INTS10: variants seen among roughly 807,000 people sequenced by gnomAD.
INTS10 encodes the protein chromosome 8 open reading frame 35.
A neutral mutation model predicts 94.4 loss-of-function variants in INTS10; 44 were observed. That is an observed-to-expected ratio of 0.47 (90% CI 0.37 to 0.60). INTS10 has a LOEUF of 0.60. Ranked by LOEUF, INTS10 falls within the 20% of genes least tolerant of loss-of-function variation. The probability of loss-of-function intolerance (pLI) is 0.00; values close to 1 mark genes in which losing one functional copy is unlikely to be tolerated. For missense variants in INTS10, 797 were observed against 868.7 expected (o/e 0.92, Z 1.04); for synonymous variants, 341 against 320.7 (o/e 1.06, Z -0.68).
At chr8:19,820,351 T>C (rs1456532027) in intron 3 of INTS10, 28 bp from the exon 4 acceptor site, 2 of 1,590,984 alleles carry the variant, frequency 1.3e-6, no homozygotes, top group Middle Eastern at 1.7e-4. Context: ...CGCAAGAAAC[T>C]TTTAAAAGTG....
intron 12 of INTS10, 26 bp downstream of exon 12, chr8:19,833,347 G>T (rs771923854): frequency 6.7e-7 from 1 of 1,496,282 alleles, no homozygotes; most frequent in Non-Finnish European, 9.0e-7. Flanking sequence ...ATACATGCCT[G>T]CCGCAGGTGC....
intron 12 of INTS10, among the ~76,000 whole-genome samples, chr8:19,834,191 T>A (rs567897307): frequency 2.0e-5 from 3 of 152,164 alleles, no homozygotes; most frequent in African/African-American, 7.2e-5. Flanking sequence ...AACCGTGTTG[T>A]TGTGTATGCA....
Position 19,826,535 on chromosome 8 carries a change from A to G in INTS10, c.1116A>G (p.Leu372=), listed in dbSNP as rs1484583970. The part of the protein sequence containing the change: ...RNKHIHKKRK[L]AEGREKTMSS... Reference sequence around the variant, plus strand: ...AACACATCCATAAAAAGAGGAAACTAGCTGAAGGAAGAGAAAAAACCATGG... The same window carrying G: ...AACACATCCATAAAAAGAGGAAACTGGCTGAAGGAAGAGAAAAAACCATGG... Residue 372 remains leucine (L), a synonymous_variant, in exon 9 of 17, where the codon CTA becomes CTG. Coordinates refer to ENST00000397977, the MANE Select transcript of INTS10 (RefSeq NM_018142.4). 6.2e-7 allele frequency: 1 copy of G among 1,612,452 alleles called. No homozygotes were observed. The highest frequency in any genetic ancestry group is 8.5e-7 in the Non-Finnish European group (1 of 1,179,512).
intron 13 of INTS10, chr8:19,841,914 C>G: frequency 2.2e-6 from 1 of 450,088 alleles, no homozygotes; most frequent in Non-Finnish European, 4.4e-6. Context: ...AGAAGAGAGA[C>G]TGTTATTCCA....
At position 19,846,826 on chromosome 8, in the gene INTS10, G is replaced by A. The variant is rs964868188; in HGVS notation, c.1976+1029G>A. Among the ~76,000 whole-genome samples, 2 of 152,212 alleles carry A rather than the reference G, an allele frequency of 1.3e-5. No individual in the cohort carries two copies. Among genetic ancestry groups the A allele is most frequent in the African/African-American group, 4.8e-5 (2 of 41,446 alleles). On this transcript the variant is annotated intron_variant, in intron 16 of 16. Transcript: ENST00000397977. The surrounding 1 kb of genome is among the most constrained non-coding windows in gnomAD (Gnocchi z 4.2). Reference sequence around the variant, plus strand: ...ATCCTCTCTGCTGTAAATGCCACGTGTAGTTTTATTTTCATACTTCCTCCT... The same window carrying A: ...ATCCTCTCTGCTGTAAATGCCACGTATAGTTTTATTTTCATACTTCCTCCT...
chr8:19,828,088 A>G (rs747159275), intron 9 of INTS10, among the ~76,000 whole-genome samples: 6 of 151,996 alleles, frequency 3.9e-5, no homozygotes, highest in Non-Finnish European at 8.8e-5. Context: ...GCATGCACCT[A>G]TCATCCCAAC....
rs1049004580 is a variant in INTS10 at position 19,824,128 on chromosome 8, A to T, written c.836+84A>T. 6 of 1,233,380 alleles carry T rather than the reference A, an allele frequency of 4.9e-6. No individual in the cohort carries two copies. The African/African-American group carries it at 7.7e-5, about 16-fold the overall frequency. 76.4% of individuals were successfully genotyped at this position (1,233,380 alleles called of 1,614,324 possible). The stretch of plus-strand genomic sequence containing the variant: ...AAAATCATGCTTTTTAAATCTGTGT[A>T]ATGCGTAGGTATAGTTTTTGGGCAA... On this transcript the variant is annotated intron_variant, in intron 7 of 16. Coordinates refer to ENST00000397977, the MANE Select transcript of INTS10 (RefSeq NM_018142.4).
intron 16 of INTS10, among the ~76,000 whole-genome samples, chr8:19,848,589 A>G (rs2068766940): frequency 6.6e-6 from 1 of 152,108 alleles, no homozygotes; most frequent in Non-Finnish European, 1.5e-5. Flanking sequence ...CTGCACAGCC[A>G]TGGGTCCCGG....
chr8:19,822,258 C>A, intron 4 of INTS10, 181 bp from the exon 5 acceptor site: 2 of 475,200 alleles, frequency 4.2e-6, no homozygotes, highest in South Asian at 3.1e-5. Flanking sequence ...TGAATTTGGC[C>A]TTCTAGGGTG....
intron 13 of INTS10, among the ~76,000 whole-genome samples, chr8:19,838,336 A>G (rs1021432821): frequency 2.0e-5 from 3 of 152,216 alleles, no homozygotes; most frequent in African/African-American, 7.2e-5. Context: ...AGCCTGGTCA[A>G]CACAACCAGA....
At chr8:19,824,109 A>T in intron 7 of INTS10, 65 bp downstream of exon 7, 1 of 1,383,788 alleles carries the variant, frequency 7.2e-7, no homozygotes, top group Non-Finnish European at 9.9e-7. Context: ...AAACAAAATC[A>T]TGCTTTTTAA....
chr8:19,845,211 A>G (rs904919377), intron 15 of INTS10, among the ~76,000 whole-genome samples: 1 of 152,180 alleles, frequency 6.6e-6, no homozygotes, highest in African/African-American at 2.4e-5. Flanking sequence ...TCCTCCTCTG[A>G]TGCATCTATA....
chr8:19,826,503 C>G lies in INTS10; in HGVS notation c.1084C>G (p.Arg362Gly). ...SNVYGDVEID[R>G]NKHIHKKRKL... is the part of the protein sequence containing the mutation. ...TGTGTATGGTGATGTAGAAATTGAT[C>G]GTAATAAACACATCCATAAAAAGAG... The change falls in exon 9 of 17, where the codon CGT becomes GGT. Residue 362 changes from arginine (R) to glycine (G), a missense_variant. Physicochemically the swap from Arg to Gly is moderately radical, Grantham distance 125. Coordinates refer to ENST00000397977, the MANE Select transcript of INTS10 (RefSeq NM_018142.4). The G allele has an allele frequency of 6.2e-7, 1 of 1,612,418 alleles. No individual in the cohort carries two copies. Among genetic ancestry groups the G allele is most frequent in the Non-Finnish European group, 8.5e-7 (1 of 1,179,434 alleles).
intron 13 of INTS10, among the ~76,000 whole-genome samples, chr8:19,839,100 G>C (rs1009144088): frequency 6.6e-6 from 1 of 151,836 alleles, no homozygotes; most frequent in East Asian, 1.9e-4. Flanking sequence ...ACAAAAATCA[G>C]TGTAATTCAC....
intron 8 of INTS10, 83 bp downstream of exon 8, chr8:19,825,055 T>A: frequency 1.7e-5 from 20 of 1,167,214 alleles, no homozygotes; most frequent in Non-Finnish European, 2.4e-5. Flanking sequence ...TTATCCAGTA[T>A]TGCTGGATCC....
intron 2 of INTS10, 109 bp downstream of exon 2, chr8:19,818,451 C>A (rs2066115071): frequency 1.8e-6 from 2 of 1,104,428 alleles, no homozygotes; most frequent in African/African-American, 1.5e-5. Flanking sequence ...TCATCTATAT[C>A]TTCGATACCT....
At chr8:19,820,254 C>CTT (rs1442364882) in intron 3 of INTS10, 125 bp from the exon 4 acceptor site, 18 of 864,470 alleles carry the variant, frequency 2.1e-5, no homozygotes, top group Non-Finnish European at 2.8e-5. Flanking sequence ...GTAGGTGAAA[C>CTT]TTAACTGCAT....
chr8:19,837,241 C>T, intron 13 of INTS10, 81 bp downstream of exon 13: 2 of 903,518 alleles, frequency 2.2e-6, no homozygotes, highest in Admixed American at 3.9e-5. Context: ...GTAATCTCAG[C>T]TACTCGGAAG....
At chr8:19,836,981 A>G in intron 12 of INTS10, 71 bp from the exon 13 acceptor site, 2 of 955,248 alleles carry the variant, frequency 2.1e-6, no homozygotes, top group South Asian at 2.6e-5. Flanking sequence ...TGCTGCAAAT[A>G]TTTTGGTACT....
Sources: allele counts gnomAD v4.1 joint callset (sites outside exome capture counted in the v4.1 genomes callset), GRCh38; gene constraint gnomAD v4.1.1; non-coding constraint Gnocchi (gnomAD v3.1); transcripts MANE v1.5; gene names NCBI Gene and HGNC (gene_info 2026-07-23, HGNC 2026-07-21).